SEMA3A: variants seen among roughly 807,000 people sequenced by gnomAD.
SEMA3A encodes the protein semaphorin-3A.
In SEMA3A, 29 loss-of-function variants were observed where a neutral mutation model predicts 97.9. The observed-to-expected ratio is 0.30, with a 90% CI of 0.22 to 0.40. The LOEUF (loss-of-function observed/expected upper bound fraction) is 0.40. SEMA3A is among the 10% of genes least tolerant of loss of function. The pLI is 1.00. For synonymous variants in SEMA3A, 321 were observed against 323.7 expected (o/e 0.99, Z 0.09); for missense variants, 763 against 951.3 (o/e 0.80, Z 2.60).
At chr7:84,300,284 A>T (rs1800978864) in intron 3 of SEMA3A, among the ~76,000 whole-genome samples, 1 of 152,060 alleles carries the variant, frequency 6.6e-6, no homozygotes, top group Non-Finnish European at 1.5e-5. Context: ...ATACACATAT[A>T]CACATCTTGA....
intron 1 of SEMA3A, among the ~76,000 whole-genome samples, chr7:84,167,518 G>T (rs1042443721): frequency 6.6e-6 from 1 of 152,156 alleles, no homozygotes; most frequent in Non-Finnish European, 1.5e-5. Flanking sequence ...GAATACTAGA[G>T]ACACAGAGAG....
chr7:84,238,481 A>C (rs1799286220), intron 3 of SEMA3A, among the ~76,000 whole-genome samples: 1 of 152,160 alleles, frequency 6.6e-6, no homozygotes, highest in Non-Finnish European at 1.5e-5. Flanking sequence ...GCTTCCTCCA[A>C]ACTTGTGGTT....
intron 1 of SEMA3A, among the ~76,000 whole-genome samples, chr7:84,160,836 C>T (rs998025467): frequency 3.3e-5 from 5 of 151,730 alleles, no homozygotes; most frequent in Admixed American, 1.3e-4. Context: ...GCCGAGATCC[C>T]GCCATTGCAC....
chr7:84,474,266 C>T (rs1223057801), intron 1 of SEMA3A, among the ~76,000 whole-genome samples: 2 of 152,136 alleles, frequency 1.3e-5, no homozygotes, highest in Admixed American at 1.3e-4. Flanking sequence ...TACATAGAAA[C>T]TTCACCTAGG....
At chr7:84,277,401 C>G (rs1322055331) in intron 3 of SEMA3A, among the ~76,000 whole-genome samples, 1 of 151,884 alleles carries the variant, frequency 6.6e-6, no homozygotes. Context: ...CTAAAGGGCC[C>G]GTGAATAGCA....
chr7:84,401,258 T>C (rs535041833), intron 1 of SEMA3A, among the ~76,000 whole-genome samples: 49 of 152,128 alleles, frequency 3.2e-4, no homozygotes, highest in African/African-American at 1.1e-3. Flanking sequence ...AACAATTCCA[T>C]TTAAAATAGC....
chr7:84,477,356 C>A (rs951384100), intron 1 of SEMA3A, among the ~76,000 whole-genome samples: 1 of 146,078 alleles, frequency 6.8e-6, no homozygotes, highest in African/African-American at 2.5e-5. Context: ...GGAGAATCAC[C>A]TGAACCTGGG....
At chr7:84,075,273 A>C (rs1367673930) in intron 4 of SEMA3A, among the ~76,000 whole-genome samples, 13 of 150,700 alleles carry the variant, frequency 8.6e-5, no homozygotes, top group African/African-American at 2.7e-4. Flanking sequence ...TCCTGGGTTC[A>C]AGTGATTCTC....
At chr7:84,365,366 C>T (rs942846510) in intron 2 of SEMA3A, among the ~76,000 whole-genome samples, 2 of 151,410 alleles carry the variant, frequency 1.3e-5, no homozygotes, top group African/African-American at 4.8e-5. Context: ...TTTGTTTGAG[C>T]TCTCTCTCTG....
intron 4 of SEMA3A, among the ~76,000 whole-genome samples, chr7:84,097,385 G>A (rs1010225211): frequency 2.6e-5 from 4 of 152,090 alleles, no homozygotes; most frequent in African/African-American, 9.7e-5. Context: ...CATGCATAGT[G>A]AATAGATAAG....
intron 15 of SEMA3A, among the ~76,000 whole-genome samples, chr7:83,970,131 T>A (rs1428937845): frequency 6.6e-6 from 1 of 152,210 alleles, no homozygotes; most frequent in Non-Finnish European, 1.5e-5. Context: ...AAAATTATTT[T>A]AAAAGCACCA....
intron 1 of SEMA3A, among the ~76,000 whole-genome samples, chr7:84,145,403 G>C (rs1405915030): frequency 2.0e-5 from 3 of 151,934 alleles, no homozygotes; most frequent in Non-Finnish European, 4.4e-5. Flanking sequence ...AATGTAATTT[G>C]AACCACATTA....
At chr7:84,449,992 T>A (rs1047407519) in intron 1 of SEMA3A, among the ~76,000 whole-genome samples, 2 of 152,176 alleles carry the variant, frequency 1.3e-5, no homozygotes, top group African/African-American at 4.8e-5. Context: ...TCCACATACG[T>A]TTGGGTTGTT....
intron 1 of SEMA3A, among the ~76,000 whole-genome samples, chr7:84,412,923 AACAC>A (rs369793285): frequency 2.6e-5 from 4 of 151,662 alleles, no homozygotes; most frequent in African/African-American, 9.7e-5. Flanking sequence ...TTCCTTCCAA[AACAC>A]ACACACACAT....
At position 83,960,626 on chromosome 7, in the gene SEMA3A, A is replaced by AAAAC. The variant is rs2116241833; in HGVS notation, c.*741_*744dup. The stretch of plus-strand genomic sequence containing the variant: ...AAAGCAGCACACCATTGGAATTTTT[A>AAAAC]AAACAAAAACTACATAGCACAATAA... On this transcript the variant is annotated 3_prime_UTR_variant, in exon 17 of 17. Coordinates refer to ENST00000265362, the MANE Select transcript of SEMA3A (RefSeq NM_006080.3). 2 of 152,718 alleles carry AAAAC rather than the reference A, an allele frequency of 1.3e-5. No homozygotes were observed. The highest frequency in any genetic ancestry group is 2.9e-5 in the Non-Finnish European group (2 of 68,016). 9.5% of individuals were successfully genotyped at this position (152,718 alleles called of 1,614,324 possible).
At chr7:84,290,077 G>T (rs187274740) in intron 3 of SEMA3A, among the ~76,000 whole-genome samples, 1 of 152,256 alleles carries the variant, frequency 6.6e-6, no homozygotes, top group East Asian at 1.9e-4. Flanking sequence ...AATTTGATTA[G>T]TGCTTGCTTA....
At chr7:84,117,390 T>C (rs1795467076) in intron 3 of SEMA3A, among the ~76,000 whole-genome samples, 1 of 152,064 alleles carries the variant, frequency 6.6e-6, no homozygotes, top group African/African-American at 2.4e-5. Flanking sequence ...AAAACAGAAA[T>C]TGGGGTAGTT....
Position 84,367,450 on chromosome 7 carries a change from C to T in SEMA3A, c.-169+4374G>A, listed in dbSNP as rs184334870. The stretch of plus-strand genomic sequence containing the variant: ...ATGTATGTGCATAATTAAAATACCG[C>T]TTCTTAAGAAAAAAATCGCCAAACA... On this transcript the variant is annotated intron_variant, in intron 2 of 3. Transcript: ENST00000424555. Among the ~76,000 whole-genome samples the T allele has an allele frequency of 7.7e-4, 116 of 150,976 alleles. No individual in the cohort carries two copies. In the East Asian group the frequency reaches 0.018, roughly 24 times the overall value.
chr7:84,188,085 C>T (rs1797938012), intron 1 of SEMA3A, among the ~76,000 whole-genome samples: 1 of 152,042 alleles, frequency 6.6e-6, no homozygotes, highest in Non-Finnish European at 1.5e-5. Context: ...TTTCCCACGC[C>T]ACATTTCTCC....
Sources: gnomAD v4.1 joint callset for allele counts (sites outside exome capture counted in the v4.1 genomes callset) on GRCh38, gnomAD v4.1.1 for gene constraint, MANE v1.5 for transcripts, NCBI Gene and HGNC (gene_info 2026-07-23, HGNC 2026-07-21) for gene names.